The following ZNF454 variants were observed in gnomAD, a reference collection of about 807,000 sequenced individuals.
ZNF454 encodes the protein zinc finger protein 454.
ZNF454 carries 30 observed loss-of-function variants against 48.2 expected under a neutral mutation model. That is an observed-to-expected ratio of 0.62 (90% CI 0.47 to 0.84). ZNF454 has a LOEUF of 0.84. Among genes scored for constraint, ZNF454 ranks in the 40% least tolerant of loss-of-function variants. The pLI is 0.00. For missense variants in ZNF454, 510 were observed against 623.1 expected (o/e 0.82, Z 1.93); for synonymous variants, 204 against 211.4 (o/e 0.97, Z 0.30).
At chr5:178,981,416 T>G in the ZNF454 span, 1 of 521,576 alleles carries the variant, frequency 1.9e-6, no homozygotes, top group Non-Finnish European at 3.5e-6. This position sits in a 1 kb window ranked among gnomAD's most constrained non-coding sequence, Gnocchi z 5.1. Flanking sequence ...TCTCGGTGGC[T>G]GTTTCCCACC....
chr5:178,981,838 G>C, the ZNF454 span: 1 of 1,611,404 alleles, frequency 6.2e-7, no homozygotes. This position sits in a 1 kb window ranked among gnomAD's most constrained non-coding sequence, Gnocchi z 5.1. Flanking sequence ...GGTTAGCGTG[G>C]TTGTCTGGAT....
Position 178,965,007 on chromosome 5 carries a change from T to A in ZNF454, c.603T>A (p.Asn201Lys), listed in dbSNP as rs747813397. Residue 201 changes from asparagine to lysine, a missense_variant, in exon 5 of 5, where the codon AAT (asparagine) becomes AAA (lysine). Asn to Lys is a moderately conservative substitution (Grantham distance 94). Coordinates refer to ENST00000519564, the MANE Select transcript of ZNF454 (RefSeq NM_001178089.3). The surrounding 1 kb of genome is among the most constrained non-coding windows in gnomAD (Gnocchi z 5.2). ...TTAATAAACATCAGAAAATTCATAATGAAAAAAATGCAAATCAGAAAATTC... is the reference window on the plus strand; with the variant it reads ...TTAATAAACATCAGAAAATTCATAAAGAAAAAAATGCAAATCAGAAAATTC... ...STLNKHQKIH[N>K]EKNANQKIHI... 1 of 1,613,824 alleles carries A rather than the reference T, an allele frequency of 6.2e-7. No individual in the cohort carries two copies. The highest frequency in any genetic ancestry group is 1.1e-5 in the South Asian group (1 of 91,056).
the ZNF454 span, chr5:178,977,511 T>C: frequency 2.0e-5 from 8 of 401,276 alleles, no homozygotes; most frequent in African/African-American, 1.4e-4. Context: ...GCAGCCTGAA[T>C]AGAGTAAAAC....
the ZNF454 span, among the ~76,000 whole-genome samples, chr5:178,988,111 T>TA: frequency 9.5e-4 from 145 of 152,244 alleles, 1 homozygote; most frequent in East Asian, 0.026. This position sits in a 1 kb window ranked among gnomAD's most constrained non-coding sequence, Gnocchi z 6.0. Flanking sequence ...GTTAAGGTGA[T>TA]ACATTTTATA....
the ZNF454 span, among the ~76,000 whole-genome samples, chr5:178,982,576 CAAAAAAAAAAAAAAA>C: frequency 4.3e-3 from 87 of 20,194 alleles, 1 homozygote; most frequent in African/African-American, 0.02. Flanking sequence ...GACTCTGTCT[CAAAAAAAAAAAAAAA>C]AAAAAAAAAA....
At chr5:178,962,684 C>T (rs185291144) in intron 4 of ZNF454, among the ~76,000 whole-genome samples, 28 of 151,744 alleles carry the variant, frequency 1.8e-4, no homozygotes, top group South Asian at 8.3e-4. Flanking sequence ...CTGTGTTCTA[C>T]GGTTCTTTTT....
chr5:178,987,884 C>T, the ZNF454 span, among the ~76,000 whole-genome samples: 30 of 148,726 alleles, frequency 2.0e-4, no homozygotes, highest in Non-Finnish European at 3.9e-4. Context: ...CTCAGACTCC[C>T]GAGTAGCTGG....
chr5:178,985,683 A>G, the ZNF454 span: 76 of 403,610 alleles, frequency 1.9e-4, no homozygotes, highest in African/African-American at 9.5e-4. Context: ...AGCCTGGGCG[A>G]CACAGCGAGA....
chr5:178,989,253 G>A, the ZNF454 span: 7 of 1,504,818 alleles, frequency 4.7e-6, no homozygotes, highest in African/African-American at 6.3e-5. Context: ...CACCACCCTG[G>A]GCAGCTCTCA....
chr5:178,966,665 C>T (rs1004307714), downstream of ZNF454, among the ~76,000 whole-genome samples: 2 of 152,070 alleles, frequency 1.3e-5, no homozygotes, highest in Admixed American at 6.6e-5. Flanking sequence ...GGCCTACGAG[C>T]GTTGCACTCT....
Position 178,964,894 on chromosome 5 carries a change from C to T in ZNF454, c.490C>T (p.His164Tyr). The change falls in exon 5 of 5, where the codon CAC (histidine) becomes TAC (tyrosine). Residue 164 changes from histidine to tyrosine, a missense_variant. Around this residue, in one of 3 missense-constraint regions of ZNF454, gnomAD observed 354 missense variants for 408.9 expected, o/e 0.87. Coordinates refer to ENST00000519564, the MANE Select transcript of ZNF454 (RefSeq NM_001178089.3). ...CGGGAGCACTATGAGCTCATCTCTTCACAGTGATCAAAGTCAGGGATTTCA... is the reference window on the plus strand; with the variant it reads ...CGGGAGCACTATGAGCTCATCTCTTTACAGTGATCAAAGTCAGGGATTTCA... ...ESGSTMSSSL[H>Y]SDQSQGFQPS... The T allele has an allele frequency of 6.2e-7, 1 of 1,614,210 alleles. No homozygotes were observed. Among genetic ancestry groups the T allele is most frequent in the Non-Finnish European group, 8.5e-7 (1 of 1,180,042 alleles).
chr5:178,947,014 G>A (rs757732305), intron 4 of ZNF454, 28 bp downstream of exon 4: 15 of 1,597,742 alleles, frequency 9.4e-6, no homozygotes, highest in South Asian at 6.7e-5. Flanking sequence ...GGGAGACACC[G>A]GGAGGAGCCC....
Position 178,965,043 on chromosome 5 carries a change from GA to G in ZNF454, c.643del (p.Arg215AspfsTer41). The G allele has an allele frequency of 6.2e-7, 1 of 1,614,158 alleles. No homozygotes were observed. The highest frequency in any genetic ancestry group is 8.5e-7 in the Non-Finnish European group (1 of 1,180,026). On this transcript the variant is annotated frameshift_variant, in exon 5 of 5. Transcript: ENST00000519564. LOFTEE classifies it high-confidence loss of function. The surrounding 1 kb of genome is among the most constrained non-coding windows in gnomAD (Gnocchi z 5.2). ...NANQKIHIKE[K>X]RYECRECGKA... Reference sequence around the variant, plus strand: ...CAAATCAGAAAATTCATATTAAGGAGAAAAGATATGAATGTAGAGAATGTGG... The same window carrying G: ...CAAATCAGAAAATTCATATTAAGGAGAAAGATATGAATGTAGAGAATGTGG...
chr5:178,980,093 T>G, the ZNF454 span: 4 of 154,320 alleles, frequency 2.6e-5, no homozygotes, highest in Non-Finnish European at 5.9e-5. The surrounding 1 kb of genome is among the most constrained non-coding windows in gnomAD (Gnocchi z 4.3). Context: ...AGTTAATTAC[T>G]TAAAACCTGC....
At chr5:178,989,485 A>C in the ZNF454 span, 31 of 1,578,954 alleles carry the variant, frequency 2.0e-5, no homozygotes, top group Non-Finnish European at 2.4e-5. Context: ...CCACTTGCTC[A>C]CTTTCAGCTA....
At chr5:178,959,883 G>A (rs1222434568) in intron 4 of ZNF454, among the ~76,000 whole-genome samples, 1 of 151,586 alleles carries the variant, frequency 6.6e-6, no homozygotes. Context: ...GGGATTACAG[G>A]CATGAGCCAC....
At chr5:178,986,986 G>A in the ZNF454 span, 2 of 1,613,236 alleles carry the variant, frequency 1.2e-6, no homozygotes, top group African/African-American at 2.7e-5. Flanking sequence ...TGCGCTGCCT[G>A]GAGAGAGAGT....
chr5:178,946,401 G>T lies in ZNF454; in HGVS notation c.76G>T (p.Glu26Ter). ...FKDVAILFTQ[E>*]EWGQLSPAQR... ...GGATGTGGCTATACTGTTCACCCAG[G>T]AAGAGTGGGGGCAGCTGAGCCCCGC... Residue 26 changes from glutamate to a stop codon, truncating the protein, a stop_gained, in exon 3 of 5, where the codon GAA (glutamate) becomes TAA (stop). Coordinates refer to ENST00000519564, the MANE Select transcript of ZNF454 (RefSeq NM_001178089.3). LOFTEE classifies it high-confidence loss of function. This position sits in a 1 kb window ranked among gnomAD's most constrained non-coding sequence, Gnocchi z 4.5. 6.2e-7 allele frequency: 1 copy of T among 1,613,056 alleles called. No individual in the cohort carries two copies. Among genetic ancestry groups the T allele is most frequent in the Non-Finnish European group, 8.5e-7 (1 of 1,179,626 alleles).
chr5:178,968,694 T>C (rs904195495), downstream of ZNF454: 1 of 447,838 alleles, frequency 2.2e-6, no homozygotes, highest in African/African-American at 2.0e-5. Flanking sequence ...ACCCCATCCA[T>C]GTAATGTGCC....
Sources: allele counts gnomAD v4.1 joint callset (sites outside exome capture counted in the v4.1 genomes callset), GRCh38; gene constraint gnomAD v4.1.1; regional missense constraint gnomAD v4.1.1; non-coding constraint Gnocchi (gnomAD v3.1); transcripts MANE v1.5; gene names NCBI Gene and HGNC (gene_info 2026-07-23, HGNC 2026-07-21).